Variants in STN1 observed in about 807,000 individuals in gnomAD.
STN1 encodes CST complex subunit STN1.
In STN1, 29 loss-of-function variants were observed where a neutral mutation model predicts 45.5. The ratio of observed to expected loss-of-function variants is 0.64; its 90% CI spans 0.47 to 0.87. The LOEUF (loss-of-function observed/expected upper bound fraction) is 0.87, where lower values mean the gene tolerates loss of function less well. Among genes scored for constraint, STN1 ranks in the 40% least tolerant of loss-of-function variants. STN1 has a pLI of 0.00. For synonymous variants in STN1, 148 were observed against 159.0 expected (o/e 0.93, Z 0.52); for missense variants, 376 against 441.4 (o/e 0.85, Z 1.33).
chr10:103,887,890 G>A (rs1016769799), intron 9 of STN1, among the ~76,000 whole-genome samples: 2 of 152,178 alleles, frequency 1.3e-5, no homozygotes, highest in African/African-American at 4.8e-5. Context: ...GGAGGCCTGC[G>A]AATAGGGTGA....
In STN1 at chr10:103,898,752, CA is replaced by C. The variant is rs1843187854; in HGVS notation, c.581+124del. On this transcript the variant is annotated intron_variant, in intron 6 of 9. Coordinates refer to ENST00000224950, the MANE Select transcript of STN1 (RefSeq NM_024928.5). The stretch of plus-strand genomic sequence containing the variant: ...CATAGAGAGGGTTAGAGGGCTTGCC[CA>C]GAGCCCCACAGTGCATAGGTGGATG... 13 of 1,086,072 alleles carry C rather than the reference CA, an allele frequency of 1.2e-5. No individual in the cohort carries two copies. The East Asian group carries it at 3.1e-4, about 26-fold the overall frequency. The allele number at this position is 1,086,072 out of a possible 1,614,324, so 67.3% of individuals were successfully genotyped here.
intron 2 of STN1, among the ~76,000 whole-genome samples, chr10:103,914,363 TATATATATATA>T (rs369774595): frequency 0.11 from 1,822 of 17,186 alleles, 111 homozygotes; most frequent in South Asian, 0.31. Flanking sequence ...TATATATATA[TATATATATATA>T]TTTTTTTTTT....
chr10:103,882,563 A>G lies in STN1; in HGVS notation c.*121T>C. On this transcript the variant is annotated 3_prime_UTR_variant, in exon 10 of 10. Transcript: ENST00000224950. Reference sequence around the variant, plus strand: ...CCCATTCCCAAGATGACTATATTTTATAGTTTATTATGAGGTAACTGCCTC... The same window carrying G: ...CCCATTCCCAAGATGACTATATTTTGTAGTTTATTATGAGGTAACTGCCTC... 1.0e-6 allele frequency: 1 copy of G among 996,028 alleles called. No individual in the cohort carries two copies. Among genetic ancestry groups the G allele is most frequent in the Non-Finnish European group, 1.5e-6 (1 of 688,680 alleles). 61.7% of individuals were successfully genotyped at this position (996,028 alleles called of 1,614,324 possible). A position where few individuals can be genotyped will look rare whatever the true frequency, so the allele number is the denominator to read the frequency against.
intron 7 of STN1, among the ~76,000 whole-genome samples, chr10:103,896,057 C>A (rs1413752592): frequency 6.6e-6 from 1 of 152,116 alleles, no homozygotes; most frequent in Non-Finnish European, 1.5e-5. Context: ...GAATGATATT[C>A]CAGACACTAG....
At chr10:103,891,296 AG>A (rs1843137857) in intron 8 of STN1, among the ~76,000 whole-genome samples, 1 of 152,246 alleles carries the variant, frequency 6.6e-6, no homozygotes, top group South Asian at 2.1e-4. Flanking sequence ...GAATACCCTG[AG>A]GATGTTAAAA....
intron 7 of STN1, among the ~76,000 whole-genome samples, chr10:103,894,741 C>T (rs1052900001): frequency 1.3e-5 from 2 of 149,382 alleles, no homozygotes; most frequent in Admixed American, 6.7e-5. Context: ...ACTAGCTAAA[C>T]GTGCTGAGCT....
intron 9 of STN1, among the ~76,000 whole-genome samples, chr10:103,883,169 T>A (rs1843081965): frequency 6.6e-6 from 1 of 152,190 alleles, no homozygotes; most frequent in Non-Finnish European, 1.5e-5. Flanking sequence ...TAATTACATG[T>A]ATAAGTGTAA....
intron 4 of STN1, 79 bp downstream of exon 4, chr10:103,905,012 T>C: frequency 8.0e-7 from 1 of 1,243,034 alleles, no homozygotes; most frequent in African/African-American, 1.5e-5. Context: ...AATTTAGCCC[T>C]ATAGCTGTTT....
intron 3 of STN1, among the ~76,000 whole-genome samples, chr10:103,905,747 C>T (rs572279192): frequency 6.6e-6 from 1 of 152,182 alleles, no homozygotes. Flanking sequence ...AAGCACATCA[C>T]AGAAGGGCAC....
intron 2 of STN1, 150 bp downstream of exon 2, chr10:103,917,311 TA>T (rs1008373170): frequency 8.1e-6 from 2 of 248,010 alleles, no homozygotes; most frequent in African/African-American, 6.8e-5. Context: ...ACCTTGCAAA[TA>T]AATGAACTCA....
intron 9 of STN1, among the ~76,000 whole-genome samples, chr10:103,886,932 C>T (rs777262569): frequency 3.9e-5 from 6 of 152,228 alleles, no homozygotes; most frequent in Non-Finnish European, 8.8e-5. Flanking sequence ...CGCCACATTG[C>T]CCATCTTCAG....
intron 3 of STN1, 52 bp downstream of exon 3, chr10:103,910,475 C>T (rs1440009041): frequency 8.0e-6 from 10 of 1,255,786 alleles, no homozygotes; most frequent in Admixed American, 3.5e-5. Flanking sequence ...ACTTTCAGCC[C>T]AGAAGGGTCA....
At chr10:103,899,197 C>G (rs1843191159) in intron 5 of STN1, among the ~76,000 whole-genome samples, 197 bp from the exon 6 acceptor site, 1 of 152,154 alleles carries the variant, frequency 6.6e-6, no homozygotes, top group Non-Finnish European at 1.5e-5. Flanking sequence ...ATGCGATGCC[C>G]TAAGTGTCAT....
rs1363855738 is a variant in STN1 at position 103,877,896 on chromosome 10, G to A, written c.*4788C>T. On this transcript the variant is annotated 3_prime_UTR_variant, in exon 10 of 10. Transcript: ENST00000224950. ...CACATAAATGTAGTAAAAAAACAAT[G>A]AGACGCTTCTTTGGGGCAACTGCTG... is the stretch of plus-strand genomic sequence containing the variant. The A allele has an allele frequency of 6.6e-6, 1 of 152,240 alleles. No individual in the cohort carries two copies. The highest frequency in any genetic ancestry group is 1.5e-5 in the Non-Finnish European group (1 of 68,044). The allele number at this position is 152,240 out of a possible 1,614,324, so 9.4% of individuals were successfully genotyped here.
At position 103,900,337 on chromosome 10, in the gene STN1, T is replaced by C. The variant is rs1056901713; in HGVS notation, c.296-114A>G. ...ACACAATATGCTTATTTATTCTACTTCTGAGTAATTGTTCTACTGTTGGAA... is the reference window on the plus strand; with the variant it reads ...ACACAATATGCTTATTTATTCTACTCCTGAGTAATTGTTCTACTGTTGGAA... On this transcript the variant is annotated intron_variant, in intron 4 of 9. Coordinates refer to ENST00000224950, the MANE Select transcript of STN1 (RefSeq NM_024928.5). The C allele has an allele frequency of 5.1e-6, 5 of 985,430 alleles. No homozygotes were observed. The African/African-American group carries it at 8.2e-5, about 16-fold the overall frequency. 61.0% of individuals were successfully genotyped at this position (985,430 alleles called of 1,614,324 possible).
rs182446204 is a variant in STN1 at position 103,880,843 on chromosome 10, G to T, written c.*1841C>A. Among the ~76,000 whole-genome samples, 7 of 152,238 alleles carry T rather than the reference G, an allele frequency of 4.6e-5. No individual in the cohort carries two copies. Among genetic ancestry groups the T allele is most frequent in the Admixed American group, 3.9e-4 (6 of 15,294 alleles). On this transcript the variant is annotated 3_prime_UTR_variant, in exon 10 of 10. Transcript: ENST00000224950. ...GCTTGGTGTCCTGAAAGCCAAACGC[G>T]GAAAGTACTTCCAGGAGAAGGGAGT...
At chr10:103,902,425 G>C (rs1017865794) in intron 4 of STN1, among the ~76,000 whole-genome samples, 2 of 152,196 alleles carry the variant, frequency 1.3e-5, no homozygotes, top group South Asian at 2.1e-4. Flanking sequence ...TGGTTGGTCT[G>C]AGAAAAAGAG....
chr10:103,888,380 C>T (rs1843117265), intron 9 of STN1, among the ~76,000 whole-genome samples: 2 of 151,844 alleles, frequency 1.3e-5, no homozygotes, highest in African/African-American at 4.8e-5. Flanking sequence ...CCTTTAAGAC[C>T]GGTCAGTTTA....
At chr10:103,907,541 A>T (rs1843249897) in intron 3 of STN1, among the ~76,000 whole-genome samples, 1 of 152,202 alleles carries the variant, frequency 6.6e-6, no homozygotes, top group Non-Finnish European at 1.5e-5. Context: ...AGTACTAAGG[A>T]AATAGGCATT....
Sources: allele counts gnomAD v4.1 joint callset (sites outside exome capture counted in the v4.1 genomes callset), GRCh38; gene constraint gnomAD v4.1.1; transcripts MANE v1.5; gene names NCBI Gene and HGNC (gene_info 2026-07-23, HGNC 2026-07-21).